The following TRHR variants were observed in gnomAD, a reference collection of about 807,000 sequenced individuals.
The protein encoded by TRHR is thyrotropin-releasing hormone receptor.
In TRHR, 14 loss-of-function variants were observed where a neutral mutation model predicts 28.0. That is an observed-to-expected ratio of 0.50 (90% CI 0.33 to 0.78). The LOEUF (loss-of-function observed/expected upper bound fraction) is 0.78, where lower values mean the gene tolerates loss of function less well. TRHR is among the 30% of genes least tolerant of loss of function. The pLI, the probability that TRHR is intolerant of heterozygous loss-of-function variation, is 0.02. For missense variants in TRHR, 438 were observed against 469.5 expected (o/e 0.93, Z 0.62); for synonymous variants, 176 against 171.9 (o/e 1.02, Z -0.18).
At chr8:109,105,683 G>A (rs953510601) in intron 2 of TRHR, among the ~76,000 whole-genome samples, 14 of 152,112 alleles carry the variant, frequency 9.2e-5, no homozygotes, top group African/African-American at 3.1e-4. Flanking sequence ...AATTTAAATA[G>A]GGCAGTCAGA....
At chr8:109,097,660 A>C (rs1381717875) in intron 2 of TRHR, among the ~76,000 whole-genome samples, 1 of 152,196 alleles carries the variant, frequency 6.6e-6, no homozygotes, top group Non-Finnish European at 1.5e-5. Flanking sequence ...AAAAATGAGT[A>C]GGCATTCACT....
At chr8:109,118,865 A>G (rs762136520) in intron 2 of TRHR, among the ~76,000 whole-genome samples, 183 bp from the exon 3 acceptor site, 5 of 151,776 alleles carry the variant, frequency 3.3e-5, no homozygotes, top group African/African-American at 1.2e-4. Flanking sequence ...TTCCTTGTCT[A>G]TAGCATTCTA....
At position 109,120,870 on chromosome 8, in the gene TRHR, T is replaced by C. The variant is rs1811998411; in HGVS notation, c.*1415T>C. On this transcript the variant is annotated 3_prime_UTR_variant, in exon 3 of 3. Coordinates refer to ENST00000518632, the MANE Select transcript of TRHR (RefSeq NM_003301.7). ...TAGTCATTGATTTTTAATGAGTAGA[T>C]CAAAAAAGTACCCATACCTTTACAT... 6.6e-6 allele frequency among the ~76,000 whole-genome samples: 1 copy of C among 151,556 alleles called. No homozygotes were observed. Among genetic ancestry groups the C allele is most frequent in the African/African-American group, 2.4e-5 (1 of 41,354 alleles).
chr8:109,109,463 G>A (rs1042105807), intron 2 of TRHR, among the ~76,000 whole-genome samples: 7 of 150,776 alleles, frequency 4.6e-5, no homozygotes, highest in African/African-American at 7.3e-5. Context: ...AAGTAGGGCC[G>A]TTATGAAGAA....
chr8:109,110,907 G>A (rs547754478), intron 2 of TRHR, among the ~76,000 whole-genome samples: 4 of 152,266 alleles, frequency 2.6e-5, no homozygotes, highest in African/African-American at 9.6e-5. Flanking sequence ...TGTAATCCCA[G>A]CACTTTGGGA....
intron 2 of TRHR, among the ~76,000 whole-genome samples, chr8:109,089,866 C>T (rs1272287553): frequency 2.0e-5 from 3 of 152,184 alleles, no homozygotes; most frequent in African/African-American, 7.2e-5. Flanking sequence ...CATTAGACTC[C>T]AATTTGCATT....
intron 2 of TRHR, among the ~76,000 whole-genome samples, chr8:109,112,423 C>T (rs898170914): frequency 1.3e-5 from 2 of 152,090 alleles, no homozygotes; most frequent in African/African-American, 2.4e-5. Context: ...TAACCAGAAC[C>T]TAATAAATGG....
intron 2 of TRHR, among the ~76,000 whole-genome samples, chr8:109,110,157 C>A (rs1467555062): frequency 6.6e-6 from 1 of 152,188 alleles, no homozygotes; most frequent in Non-Finnish European, 1.5e-5. Flanking sequence ...TCTCAGCACA[C>A]TCTAGAATTG....
At chr8:109,097,282 CT>C (rs1811607898) in intron 2 of TRHR, among the ~76,000 whole-genome samples, 1 of 152,114 alleles carries the variant, frequency 6.6e-6, no homozygotes, top group Admixed American at 6.5e-5. Context: ...TTGAGTGCCC[CT>C]AGGTGACTAA....
intron 2 of TRHR, among the ~76,000 whole-genome samples, chr8:109,105,809 C>T (rs1021429600): frequency 2.0e-5 from 3 of 152,078 alleles, no homozygotes; most frequent in Non-Finnish European, 2.9e-5. Context: ...ATTTATTGAC[C>T]ATGGCTGCTT....
chr8:109,105,317 C>T (rs1420405524), intron 2 of TRHR, among the ~76,000 whole-genome samples: 1 of 152,150 alleles, frequency 6.6e-6, no homozygotes, highest in Non-Finnish European at 1.5e-5. Flanking sequence ...CCCACACTTG[C>T]CAATGGTACG....
At chr8:109,093,579 T>C (rs28560427) in intron 2 of TRHR, among the ~76,000 whole-genome samples, 5 of 151,694 alleles carry the variant, frequency 3.3e-5, no homozygotes, top group Non-Finnish European at 5.9e-5. Flanking sequence ...CTAATTTTTG[T>C]TTTTTTAGGA....
intron 2 of TRHR, among the ~76,000 whole-genome samples, chr8:109,098,431 A>G (rs964973967): frequency 6.6e-6 from 1 of 151,868 alleles, no homozygotes; most frequent in Admixed American, 6.6e-5. Context: ...TGCATCCCCC[A>G]ACCCACACCC....
chr8:109,105,606 C>G (rs1248450440), intron 2 of TRHR, among the ~76,000 whole-genome samples: 1 of 152,056 alleles, frequency 6.6e-6, no homozygotes, highest in Non-Finnish European at 1.5e-5. Flanking sequence ...AAGTTGTGAC[C>G]TGTCAGACAG....
intron 2 of TRHR, among the ~76,000 whole-genome samples, chr8:109,109,390 T>C (rs1460410092): frequency 1.3e-5 from 2 of 152,006 alleles, no homozygotes; most frequent in African/African-American, 4.8e-5. Context: ...GACATCAGTC[T>C]TATCCTCTCT....
Position 109,119,428 on chromosome 8 carries a change from T to G in TRHR, c.1170T>G (p.Ala390=). 6.2e-7 allele frequency: 1 copy of G among 1,612,230 alleles called. No individual in the cohort carries two copies. Among genetic ancestry groups the G allele is most frequent in the Non-Finnish European group, 8.5e-7 (1 of 1,178,884 alleles). The part of the protein sequence containing the change: ...TKVSFDDTCL[A]SEVSFSQS ...TGTCTTTTGATGACACCTGCTTGGC[T>G]TCTGAGGTATCCTTTAGCCAAAGTT... The change falls in exon 3 of 3, where the codon GCT becomes GCG. Residue 390 remains alanine, a synonymous_variant. Transcript: ENST00000518632.
intron 2 of TRHR, among the ~76,000 whole-genome samples, chr8:109,088,864 C>T (rs551987023): frequency 1.3e-5 from 2 of 152,282 alleles, no homozygotes; most frequent in South Asian, 2.1e-4. Flanking sequence ...CTCCAGCTCC[C>T]TACACAGTGT....
chr8:109,095,317 G>C (rs530873487), intron 2 of TRHR, among the ~76,000 whole-genome samples: 14 of 152,128 alleles, frequency 9.2e-5, no homozygotes, highest in African/African-American at 3.4e-4. Context: ...GGAGGCTTTT[G>C]GAGTACATGG....
rs549883799 is a variant in TRHR at position 109,120,817 on chromosome 8, G to A, written c.*1362G>A. Among the ~76,000 whole-genome samples the A allele has an allele frequency of 6.6e-6, 1 of 151,474 alleles. No homozygotes were observed. Among genetic ancestry groups the A allele is most frequent in the Non-Finnish European group, 1.5e-5 (1 of 67,738 alleles). Reference sequence around the variant, plus strand: ...ATTTGGCCAACCAGAATCTCCGAGGGCAAAAATTGCCCTTGGTGATGGTTC... The same window carrying A: ...ATTTGGCCAACCAGAATCTCCGAGGACAAAAATTGCCCTTGGTGATGGTTC... On this transcript the variant is annotated 3_prime_UTR_variant, in exon 3 of 3. Coordinates refer to ENST00000518632, the MANE Select transcript of TRHR (RefSeq NM_003301.7).
Sources: allele counts gnomAD v4.1 joint callset (sites outside exome capture counted in the v4.1 genomes callset), GRCh38; gene constraint gnomAD v4.1.1; transcripts MANE v1.5; gene names NCBI Gene and HGNC (gene_info 2026-07-23, HGNC 2026-07-21).